Variants in RSRC1 observed in about 807,000 individuals in gnomAD.
RSRC1 encodes the protein serine/Arginine-related protein 53.
Under a neutral mutation model 49.1 loss-of-function variants are expected in RSRC1, and 39 were observed. The ratio of observed to expected loss-of-function variants is 0.79; its 90% confidence interval spans 0.61 to 1.04. The LOEUF is 1.04. Ranked by LOEUF, RSRC1 falls within the 50% of genes least tolerant of loss-of-function variation. The pLI is 0.00. For synonymous variants in RSRC1, 143 were observed against 130.8 expected (o/e 1.09, Z -0.63); for missense variants, 388 against 402.4 (o/e 0.96, Z 0.31).
chr3:158,461,161 C>T (rs1004996194), intron 7 of RSRC1, among the ~76,000 whole-genome samples, 158 bp downstream of exon 7: 22 of 151,826 alleles, frequency 1.4e-4, no homozygotes, highest in African/African-American at 4.8e-4. Context: ...GTCTTGGACA[C>T]TAATGTTTGC....
chr3:158,137,776 C>T (rs1351840231), intron 3 of RSRC1, among the ~76,000 whole-genome samples: 1 of 151,720 alleles, frequency 6.6e-6, no homozygotes, highest in Non-Finnish European at 1.5e-5. Flanking sequence ...GCCTCAGCCT[C>T]CCGAGTAGCT....
At chr3:158,314,984 A>G (rs1252872240) in intron 5 of RSRC1, among the ~76,000 whole-genome samples, 5 of 151,268 alleles carry the variant, frequency 3.3e-5, no homozygotes, top group Admixed American at 6.6e-5. Context: ...GTGAGCCAAG[A>G]TTGTGCCACT....
intron 5 of RSRC1, among the ~76,000 whole-genome samples, chr3:158,346,074 A>G (rs1395835293): frequency 6.6e-6 from 1 of 152,190 alleles, no homozygotes; most frequent in East Asian, 1.9e-4. Flanking sequence ...ACTTCTAGGT[A>G]TAAATACAGG....
At chr3:158,440,869 G>A (rs901828820) in intron 6 of RSRC1, among the ~76,000 whole-genome samples, 2 of 151,958 alleles carry the variant, frequency 1.3e-5, no homozygotes, top group African/African-American at 4.8e-5. Flanking sequence ...TTGAACCCAG[G>A]AGGCAGAGCT....
At chr3:158,341,844 G>A (rs1237640718) in intron 5 of RSRC1, among the ~76,000 whole-genome samples, 4 of 152,074 alleles carry the variant, frequency 2.6e-5, no homozygotes, top group South Asian at 4.2e-4. Context: ...GCAAAGTCAC[G>A]GGGTGGAGCT....
At chr3:158,475,204 A>AT (rs1738316122) in intron 7 of RSRC1, among the ~76,000 whole-genome samples, 1 of 152,080 alleles carries the variant, frequency 6.6e-6, no homozygotes, top group African/African-American at 2.4e-5. Context: ...GATTACAGGC[A>AT]TGAGCCACCA....
At chr3:158,205,992 G>A (rs827142) in intron 4 of RSRC1, among the ~76,000 whole-genome samples, 98,590 of 152,008 alleles carry the variant, frequency 0.65, 32,275 homozygotes, top group East Asian at 0.84. Context: ...CTCTGTTGCA[G>A]CTACTGAACT....
intron 4 of RSRC1, among the ~76,000 whole-genome samples, chr3:158,288,587 A>G (rs1423450963): frequency 1.3e-5 from 2 of 152,258 alleles, no homozygotes; most frequent in South Asian, 2.1e-4. Flanking sequence ...TATTTTATAT[A>G]CCATCTTCCC....
At chr3:158,229,543 G>A (rs1481339013) in intron 4 of RSRC1, among the ~76,000 whole-genome samples, 1 of 132,808 alleles carries the variant, frequency 7.5e-6, no homozygotes, top group Non-Finnish European at 1.7e-5. Context: ...TGTGTTTTTT[G>A]TTTTTTTTTT....
intron 4 of RSRC1, among the ~76,000 whole-genome samples, chr3:158,251,893 C>T (rs1466991571): frequency 6.6e-6 from 1 of 152,108 alleles, no homozygotes; most frequent in East Asian, 1.9e-4. Flanking sequence ...TGTCTTCTTC[C>T]AGATGTTAGA....
At chr3:158,354,929 T>A (rs775734620) in intron 6 of RSRC1, 21 bp downstream of exon 6, 1 of 1,515,204 alleles carries the variant, frequency 6.6e-7, no homozygotes, top group Non-Finnish European at 8.8e-7. Context: ...ATAATTAACT[T>A]TTATTAAATG....
At chr3:158,445,049 G>C (rs1237345784) in intron 6 of RSRC1, among the ~76,000 whole-genome samples, 2 of 152,184 alleles carry the variant, frequency 1.3e-5, no homozygotes, top group East Asian at 3.9e-4. Context: ...CTTTTACACT[G>C]TTGGTGGGAC....
chr3:158,125,324 G>A (rs1028277299), intron 3 of RSRC1, among the ~76,000 whole-genome samples: 6 of 151,590 alleles, frequency 4.0e-5, no homozygotes, highest in African/African-American at 1.5e-4. Flanking sequence ...TATGATATGA[G>A]ACTTTTCTTT....
At chr3:158,426,425 A>G (rs1735445500) in intron 6 of RSRC1, among the ~76,000 whole-genome samples, 1 of 151,596 alleles carries the variant, frequency 6.6e-6, no homozygotes. Flanking sequence ...TTCTGGGGAG[A>G]GTAACTCTAG....
chr3:158,111,954 C>T (rs368505295), intron 1 of RSRC1, among the ~76,000 whole-genome samples: 6 of 152,326 alleles, frequency 3.9e-5, no homozygotes, highest in Admixed American at 1.3e-4. Context: ...CAATCAGGCA[C>T]GTGAACTTTA....
chr3:158,476,032 A>C lies in RSRC1; in HGVS notation c.652+15029A>C, dbSNP rs148167660. Reference sequence around the variant, plus strand: ...CAGTGAACATATGAATGATAAGAAAACAAAACAGCCTTATTGCTGACAGGG... The same window carrying C: ...CAGTGAACATATGAATGATAAGAAACCAAAACAGCCTTATTGCTGACAGGG... On this transcript the variant is annotated intron_variant, in intron 7 of 9. Transcript: ENST00000611884. Among the ~76,000 whole-genome samples the C allele has an allele frequency of 8.3e-3, 1,259 of 152,326 alleles. 13 individuals carry two copies. Among genetic ancestry groups the C allele is most frequent in the Non-Finnish European group, 0.014 (941 of 68,030 alleles).
At chr3:158,544,019 T>A (rs1713187966) in intron 9 of RSRC1, among the ~76,000 whole-genome samples, 164 bp from the exon 10 acceptor site, 1 of 152,212 alleles carries the variant, frequency 6.6e-6, no homozygotes, top group Non-Finnish European at 1.5e-5. Context: ...TGAGCATTAC[T>A]AATTCCAAAT....
intron 6 of RSRC1, among the ~76,000 whole-genome samples, chr3:158,359,130 C>A (rs1210934022): frequency 6.6e-6 from 1 of 151,948 alleles, no homozygotes; most frequent in Non-Finnish European, 1.5e-5. Context: ...TCTGAGAAAC[C>A]ACAAAACATT....
At chr3:158,414,885 A>T (rs1734662690) in intron 6 of RSRC1, among the ~76,000 whole-genome samples, 1 of 152,156 alleles carries the variant, frequency 6.6e-6, no homozygotes, top group African/African-American at 2.4e-5. Context: ...TTCACAAAAA[A>T]AGTTGTAGAT....
Sources: gnomAD v4.1 joint callset for allele counts (sites outside exome capture counted in the v4.1 genomes callset) on GRCh38, gnomAD v4.1.1 for gene constraint, MANE v1.5 for transcripts, NCBI Gene and HGNC (gene_info 2026-07-23, HGNC 2026-07-21) for gene names.